PGC: variants seen among roughly 807,000 people sequenced by gnomAD.
The protein encoded by PGC is gastricsin.
In PGC, 31 loss-of-function variants were observed where a neutral mutation model predicts 45.9. The ratio of observed to expected loss-of-function variants is 0.67; its 90% CI spans 0.51 to 0.91. PGC has a LOEUF of 0.91. PGC is among the 40% of genes least tolerant of loss of function. The pLI, the probability that PGC is intolerant of heterozygous loss-of-function variation, is 0.00. For missense variants in PGC, 477 were observed against 493.2 expected, an observed-to-expected ratio of 0.97 and a Z score of 0.31; for synonymous variants, 192 against 201.8, an observed-to-expected ratio of 0.95 and a Z score of 0.41.
chr6:41,744,909 C>A lies in PGC; in HGVS notation c.60-101G>T, dbSNP rs1258766254. On this transcript the variant is annotated intron_variant, in intron 1 of 8. Coordinates refer to ENST00000373025, the MANE Select transcript of PGC (RefSeq NM_002630.4). This position sits in a 1 kb window ranked among gnomAD's most constrained non-coding sequence, Gnocchi z 4.4. Reference sequence around the variant, plus strand: ...CTCTTAACTGCATGCTTCAACCTCCCTGCCACTCTGTTTGTTCCCCCTTGT... The same window carrying A: ...CTCTTAACTGCATGCTTCAACCTCCATGCCACTCTGTTTGTTCCCCCTTGT... 2.9e-6 allele frequency: 3 copies of A among 1,024,920 alleles called. No homozygotes were observed. Among genetic ancestry groups the A allele is most frequent in the Non-Finnish European group, 4.3e-6 (3 of 694,174 alleles). The allele number at this position is 1,024,920 out of a possible 1,614,324, so 63.5% of individuals were successfully genotyped here.
At chr6:41,739,495 T>C (rs1439413520) in intron 7 of PGC, among the ~76,000 whole-genome samples, 2 of 151,900 alleles carry the variant, frequency 1.3e-5, no homozygotes, top group Non-Finnish European at 2.9e-5. Context: ...CACGGCTCAC[T>C]GCAGCCTCCA....
chr6:41,738,236 ATG>A (rs71537489), intron 7 of PGC, among the ~76,000 whole-genome samples: 23 of 12,446 alleles, frequency 1.8e-3, no homozygotes, highest in East Asian at 0.018. Context: ...GCATATATAT[ATG>A]TATATATATA....
chr6:41,741,400 C>T (rs905442641), intron 5 of PGC, among the ~76,000 whole-genome samples: 14 of 152,230 alleles, frequency 9.2e-5, no homozygotes, highest in Non-Finnish European at 1.9e-4. Flanking sequence ...AATCCCAACA[C>T]TTTGGAAGGC....
At chr6:41,738,188 A>ATGCATATATATGCATATATATG (rs1771738678) in intron 7 of PGC, among the ~76,000 whole-genome samples, 1 of 15,106 alleles carries the variant, frequency 6.6e-5, no homozygotes, top group Non-Finnish European at 2.5e-4. Context: ...ACATATATAT[A>ATGCATATATATGCATATATATG]TGCATATATA....
At chr6:41,738,167 C>CATATATATATAA (rs5875768) in intron 7 of PGC, among the ~76,000 whole-genome samples, 2 of 27,990 alleles carry the variant, frequency 7.1e-5, no homozygotes, top group Admixed American at 4.3e-4. Context: ...CATATATATG[C>CATATATATATAA]ATATATATAT....
In PGC at chr6:41,742,301, G is replaced by A. The variant is rs770005565; in HGVS notation, c.636C>T (p.Val212=). ...EGALTSPVFS[V]YLSNQQGSSG... is the part of the protein sequence containing the mutation. ...AGCTGGTTGCTCACTTGCTGAGGTA[G>A]ACGCTGAAGACGGGGCTGGTGAGGG... The change falls in exon 5 of 9, where the codon GTC becomes GTT. Residue 212 remains valine (V), a synonymous_variant. Transcript: ENST00000373025. 6.8e-6 allele frequency: 11 copies of A among 1,613,872 alleles called. No homozygotes were observed. The highest frequency in any genetic ancestry group is 1.7e-4 in the Middle Eastern group (1 of 6,056).
rs751903549 is a variant in PGC, at chr6:41,742,335, T to G, written c.602A>C (p.Gln201Pro). The change falls in exon 5 of 9, where the codon CAG (glutamine) becomes CCG (proline). Residue 201 changes from glutamine to proline, a missense_variant. Transcript: ENST00000373025. ...EATTAMQGMV[Q>P]EGALTSPVFS... ...GACGGGGCTGGTGAGGGCGCCCTCC[T>G]GCACCATGCCCTGCATAGCTGTGGT... 6.2e-7 allele frequency: 1 copy of G among 1,614,128 alleles called. No homozygotes were observed. The highest frequency in any genetic ancestry group is 1.1e-5 in the South Asian group (1 of 91,084).
At chr6:41,746,150 G>A (rs1156257202) in intron 1 of PGC, among the ~76,000 whole-genome samples, 10 of 148,232 alleles carry the variant, frequency 6.7e-5, no homozygotes, top group African/African-American at 1.0e-4. Context: ...CAACAAGAGC[G>A]AAGTTCTGTT....
chr6:41,736,789 C>T lies in PGC; in HGVS notation c.*63G>A. On this transcript the variant is annotated 3_prime_UTR_variant, in exon 9 of 9. Transcript: ENST00000373025. ...TGAATCCAGAGTGGAAAGACAGATA[C>T]AATGCCCTAGGAGGGTGCAGGGTCA... The T allele has an allele frequency of 1.3e-6, 2 of 1,538,334 alleles. No individual in the cohort carries two copies. The highest frequency in any genetic ancestry group is 1.8e-6 in the Non-Finnish European group (2 of 1,111,394).
At chr6:41,737,111 C>G in intron 8 of PGC, 107 bp from the exon 9 acceptor site, 1 of 1,148,344 alleles carries the variant, frequency 8.7e-7, no homozygotes, top group South Asian at 1.6e-5. Flanking sequence ...CTGAGGGAGC[C>G]AGGGTCTCTG....
At position 41,744,636 on chromosome 6, in the gene PGC, G is replaced by A. The variant is rs776395448; in HGVS notation, c.210+22C>T. Reference sequence around the variant, plus strand: ...AGCCCACACCAGAGAGAAGGCTACCGCCAGAAAGGGTCAGGACTCACATCC... The same window carrying A: ...AGCCCACACCAGAGAGAAGGCTACCACCAGAAAGGGTCAGGACTCACATCC... On this transcript the variant is annotated intron_variant, in intron 2 of 8. Transcript: ENST00000373025. The surrounding 1 kb of genome is among the most constrained non-coding windows in gnomAD (Gnocchi z 4.4). 2.5e-5 allele frequency: 41 copies of A among 1,612,838 alleles called. No individual in the cohort carries two copies. The highest frequency in any genetic ancestry group is 9.3e-5 in the African/African-American group (7 of 74,884).
intron 8 of PGC, 108 bp downstream of exon 8, chr6:41,737,622 C>T (rs1409336941): frequency 8.9e-6 from 6 of 674,092 alleles, no homozygotes; most frequent in African/African-American, 7.1e-5. Context: ...TGAGTACAAG[C>T]GTGGAGTCGG....
At position 41,744,090 on chromosome 6, in the gene PGC, C is replaced by T. The variant is rs1771881347; in HGVS notation, c.328+307G>A. Among the ~76,000 whole-genome samples, 1 of 151,940 alleles carries T rather than the reference C, an allele frequency of 6.6e-6. No individual in the cohort carries two copies. Among genetic ancestry groups the T allele is most frequent in the Non-Finnish European group, 1.5e-5 (1 of 67,974 alleles). ...GATGGAATGGACTGGAAATTAGTCA[C>T]ATGGAATGGAATGGCACTGCCCAGA... On this transcript the variant is annotated intron_variant, in intron 3 of 8. Transcript: ENST00000373025. The surrounding 1 kb of genome is among the most constrained non-coding windows in gnomAD (Gnocchi z 4.4).
In PGC at chr6:41,739,875, G is replaced by A; in HGVS notation, c.839C>T (p.Ser280Phe). 6.2e-7 allele frequency: 1 copy of A among 1,614,122 alleles called. No individual in the cohort carries two copies. The highest frequency in any genetic ancestry group is 8.5e-7 in the Non-Finnish European group (1 of 1,179,942). The stretch of plus-strand genomic sequence containing the variant: ...GTACTGCTGGGGCACAGTGAGCAGA[G>A]AGGTGCCTGTGTCCACGATGGCCTG... ...GCQAIVDTGT[S>F]LLTVPQQYMS... Residue 280 changes from serine (S) to phenylalanine (F), a missense_variant, in exon 7 of 9, where the codon TCT (serine) becomes TTT (phenylalanine). By Grantham distance (155) the Ser-to-Phe change is radical. Coordinates refer to ENST00000373025, the MANE Select transcript of PGC (RefSeq NM_002630.4).
At chr6:41,738,211 T>C (rs1399639502) in intron 7 of PGC, among the ~76,000 whole-genome samples, 1 of 18,440 alleles carries the variant, frequency 5.4e-5, no homozygotes, top group African/African-American at 9.3e-5. Flanking sequence ...TGCATATATA[T>C]ATGCATATAT....
intron 5 of PGC, chr6:41,741,079 A>T: frequency 1.3e-6 from 2 of 1,536,962 alleles, no homozygotes; most frequent in Non-Finnish European, 1.7e-6. Flanking sequence ...TCTGGTAGAC[A>T]TGTCACCGGG....
At chr6:41,739,036 A>G (rs919003421) in intron 7 of PGC, among the ~76,000 whole-genome samples, 6 of 152,190 alleles carry the variant, frequency 3.9e-5, no homozygotes, top group Non-Finnish European at 8.8e-5. Flanking sequence ...GTCTCCCAAA[A>G]TTAAAATTAG....
rs368506532 is a variant in PGC at position 41,744,779 on chromosome 6, C to A, written c.89G>T (p.Arg30Leu). 5 of 1,613,980 alleles carry A rather than the reference C, an allele frequency of 3.1e-6. No homozygotes were observed. Among genetic ancestry groups the A allele is most frequent in the Non-Finnish European group, 4.2e-6 (5 of 1,179,978 alleles). ...CAAGCCCTTCTCCTTCATGGTCTCACGGATAGACTTAAATTTCTTCAGGGG... is the reference window on the plus strand; with the variant it reads ...CAAGCCCTTCTCCTTCATGGTCTCAAGGATAGACTTAAATTTCTTCAGGGG... ...KVPLKKFKSI[R>L]ETMKEKGLLG... Residue 30 changes from arginine to leucine, a missense_variant, in exon 2 of 9, where the codon CGT (arginine) becomes CTT (leucine). By Grantham distance (102) the Arg-to-Leu change is moderately radical (BLOSUM62 -2). Coordinates refer to ENST00000373025, the MANE Select transcript of PGC (RefSeq NM_002630.4). This position sits in a 1 kb window ranked among gnomAD's most constrained non-coding sequence, Gnocchi z 4.4.
chr6:41,746,220 T>C (rs1387309070), intron 1 of PGC, among the ~76,000 whole-genome samples: 1 of 151,906 alleles, frequency 6.6e-6, no homozygotes, highest in Non-Finnish European at 1.5e-5. Context: ...AGTTCCTTTC[T>C]ACGGCAGCCC....
Sources: gnomAD v4.1 joint callset for allele counts (sites outside exome capture counted in the v4.1 genomes callset) on GRCh38, gnomAD v4.1.1 for gene constraint, Gnocchi (gnomAD v3.1) non-coding constraint, MANE v1.5 for transcripts, NCBI Gene and HGNC (gene_info 2026-07-23, HGNC 2026-07-21) for gene names.